Variants in DDRGK1 observed in about 807,000 individuals in gnomAD.
DDRGK1 encodes DDRGK domain-containing protein 1.
Under a neutral mutation model 45.8 loss-of-function variants are expected in DDRGK1, and 38 were observed. The ratio of observed to expected loss-of-function variants is 0.83; its 90% CI spans 0.64 to 1.09. The LOEUF is 1.09. DDRGK1 is among the 50% of genes least tolerant of loss of function. The pLI is 0.00. For missense variants in DDRGK1, 403 were observed against 419.9 expected, an observed-to-expected ratio of 0.96 and a Z score of 0.35; for synonymous variants, 171 against 168.7, an observed-to-expected ratio of 1.01 and a Z score of -0.11.
chr20:3,198,530 G>A (rs1352028757), intron 4 of DDRGK1, among the ~76,000 whole-genome samples: 13 of 149,558 alleles, frequency 8.7e-5, no homozygotes, highest in Non-Finnish European at 1.6e-4. Context: ...GAGAAACCCC[G>A]TCTCTACTAA....
chr20:3,204,504 T>G, intron 1 of DDRGK1, 33 bp downstream of exon 1: 7 of 1,537,962 alleles, frequency 4.6e-6, no homozygotes, highest in Non-Finnish European at 6.1e-6. Context: ...GAAAACCCGG[T>G]ACCACCAACC....
intron 4 of DDRGK1, among the ~76,000 whole-genome samples, chr20:3,196,256 T>C (rs1018417439): frequency 3.3e-5 from 5 of 152,206 alleles, no homozygotes; most frequent in African/African-American, 1.2e-4. Flanking sequence ...TGAGGTCCTA[T>C]TGACCCCTTC....
At position 3,194,845 on chromosome 20, in the gene DDRGK1, G is replaced by T. The variant is rs1045378877; in HGVS notation, c.657C>A (p.Phe219Leu). Reference protein sequence around the residue: ...EEQSQSFLTEFINYIKQSKVV... With the variant: ...EEQSQSFLTELINYIKQSKVV... ...GGCTTCTTACCTTGATGTAGTTGAT[G>T]AACTCTGTCAGGAAGCTCTGGGACT... Residue 219 changes from phenylalanine to leucine, a missense_variant, in exon 6 of 9, where the codon TTC (phenylalanine) becomes TTA (leucine). Physicochemically the swap from Phe to Leu is conservative, Grantham distance 22. Coordinates refer to ENST00000354488, the MANE Select transcript of DDRGK1 (RefSeq NM_023935.3). 3.0e-5 allele frequency: 48 copies of T among 1,614,002 alleles called. No homozygotes were observed. Among genetic ancestry groups the T allele is most frequent in the Non-Finnish European group, 3.7e-5 (44 of 1,180,012 alleles).
At chr20:3,195,387 G>GGGCAGAACA (rs1568499785) in intron 4 of DDRGK1, 34 bp from the exon 5 acceptor site, 1 of 1,556,542 alleles carries the variant, frequency 6.4e-7, no homozygotes, top group South Asian at 1.2e-5. Flanking sequence ...CAGGTATCGG[G>GGGCAGAACA]GGCAGAACAG....
chr20:3,196,442 C>G (rs1439921113), intron 4 of DDRGK1, among the ~76,000 whole-genome samples: 1 of 151,964 alleles, frequency 6.6e-6, no homozygotes, highest in Non-Finnish European at 1.5e-5. Flanking sequence ...CTTTGGGAGG[C>G]CAAGGCGGGC....
Position 3,203,398 on chromosome 20 carries a change from T to G in DDRGK1, c.110A>C (p.His37Pro). The G allele has an allele frequency of 6.3e-7, 1 of 1,585,142 alleles. No individual in the cohort carries two copies. The highest frequency in any genetic ancestry group is 8.6e-7 in the Non-Finnish European group (1 of 1,165,338). ...GCCTGCTCCTGCCAGCTCCTCATTG[T>G]GCAGTGGCTCTTGGCCGGCTGTAGG... ...RAASAGQEPLHNEELAGAGRV... is the reference protein window; with the variant it reads ...RAASAGQEPLPNEELAGAGRV... Residue 37 changes from histidine (H) to proline (P), a missense_variant, in exon 2 of 9, where the codon CAC becomes CCC. Transcript: ENST00000354488.
rs1380849120 is a variant in DDRGK1, at chr20:3,201,390, C to T, written c.296-936G>A. Among the ~76,000 whole-genome samples the T allele has an allele frequency of 2.8e-5, 4 of 144,246 alleles. No homozygotes were observed. In the Admixed American group the frequency reaches 2.9e-4, roughly 10 times the overall value. 94.6% of individuals were successfully genotyped at this position (144,246 alleles called of 152,430 possible). ...AGGAGAATGGCATGAACCCAGCAGG[C>T]AGAGCTTGCCGAGATCTGCTGCCAA... On this transcript the variant is annotated intron_variant, in intron 2 of 8. Coordinates refer to ENST00000354488, the MANE Select transcript of DDRGK1 (RefSeq NM_023935.3).
At chr20:3,194,020 C>A (rs190426562) in intron 6 of DDRGK1, among the ~76,000 whole-genome samples, 37 of 152,250 alleles carry the variant, frequency 2.4e-4, no homozygotes, top group African/African-American at 8.9e-4. Flanking sequence ...CAGACAGGAC[C>A]CTCTCAAAGC....
chr20:3,195,781 A>G (rs2067007574), intron 4 of DDRGK1, among the ~76,000 whole-genome samples: 2 of 152,004 alleles, frequency 1.3e-5, no homozygotes, highest in Non-Finnish European at 2.9e-5. Flanking sequence ...AGCCCACTCC[A>G]GTCTGGCTTC....
Position 3,200,358 on chromosome 20 carries a change from C to T in DDRGK1, c.392G>A (p.Arg131Gln), listed in dbSNP as rs1274454788. 8.3e-6 allele frequency: 13 copies of T among 1,568,606 alleles called. No individual in the cohort carries two copies. The highest frequency in any genetic ancestry group is 2.7e-5 in the African/African-American group (2 of 73,876). ...CCGGCTTGCCTCACGCTGGGCCTTT[C>T]GCGCTTGTTTCTCCTCCAGCTTCCG... ...KLRKLEEKQA[R>Q]KAQREAEEAE... Residue 131 changes from arginine to glutamine, a missense_variant, in exon 3 of 9, where the codon CGA becomes CAA. Coordinates refer to ENST00000354488, the MANE Select transcript of DDRGK1 (RefSeq NM_023935.3).
chr20:3,200,288 G>A, intron 3 of DDRGK1, 54 bp downstream of exon 3: 1 of 1,526,888 alleles, frequency 6.5e-7, no homozygotes. Context: ...AGGGAAAAAG[G>A]AAGGCAGTGC....
intron 2 of DDRGK1, among the ~76,000 whole-genome samples, chr20:3,200,773 T>G (rs1395213492): frequency 6.6e-6 from 1 of 151,316 alleles, no homozygotes; most frequent in East Asian, 1.9e-4. Context: ...GTCAGGAGAT[T>G]GAGACCATCC....
At position 3,203,457 on chromosome 20, in the gene DDRGK1, A is replaced by AGCCCG; in HGVS notation, c.92-46_92-42dup. The AGCCCG allele has an allele frequency of 2.0e-6, 3 of 1,474,144 alleles. No homozygotes were observed. The African/African-American group carries it at 4.3e-5, about 21-fold the overall frequency. The allele number at this position is 1,474,144 out of a possible 1,614,324, so 91.3% of individuals were successfully genotyped here. A position where few individuals can be genotyped will look rare whatever the true frequency, so the allele number is the denominator to read the frequency against. On this transcript the variant is annotated intron_variant, in intron 1 of 8. Transcript: ENST00000354488. The stretch of plus-strand genomic sequence containing the variant: ...AAATGACAATGCTGCCTATAAGCCC[A>AGCCCG]GCCCGGCCCATGGCAGGAGGAGCGG...
rs111721057 is a variant in DDRGK1 at position 3,195,186 on chromosome 20, C to A, written c.633+45G>T. 1.3e-5 allele frequency: 21 copies of A among 1,613,400 alleles called. No homozygotes were observed. The African/African-American group carries it at 1.5e-4, about 11-fold the overall frequency. On this transcript the variant is annotated intron_variant, in intron 5 of 8. Coordinates refer to ENST00000354488, the MANE Select transcript of DDRGK1 (RefSeq NM_023935.3). ...CTAGCCTTGCGTCTGGCACAGGCTG[C>A]ACTGATGGGTGCAGAGAGGGGCTTC... is the stretch of plus-strand genomic sequence containing the variant.
At chr20:3,191,881 G>A in intron 6 of DDRGK1, 60 bp from the exon 7 acceptor site, 2 of 1,535,114 alleles carry the variant, frequency 1.3e-6, no homozygotes, top group South Asian at 1.2e-5. Context: ...CTCTAAGCAT[G>A]GGCACCCTCC....
At chr20:3,193,883 G>A (rs1358051351) in intron 6 of DDRGK1, among the ~76,000 whole-genome samples, 1 of 152,146 alleles carries the variant, frequency 6.6e-6, no homozygotes, top group African/African-American at 2.4e-5. Flanking sequence ...TGCCTACTGG[G>A]TAGGTGGGGA....
chr20:3,192,907 C>G (rs2066995366), intron 6 of DDRGK1, among the ~76,000 whole-genome samples: 1 of 152,156 alleles, frequency 6.6e-6, no homozygotes, highest in African/African-American at 2.4e-5. Context: ...GCAGCTGGGT[C>G]AGGATGGGCA....
chr20:3,200,423 C>A lies in DDRGK1; in HGVS notation c.327G>T (p.Ala109=). The part of the protein sequence containing the change: ...AQEEEGVEKP[A]ETHLSGKIGA... The stretch of plus-strand genomic sequence containing the variant: ...CAATTTTCCCCGACAGGTGAGTTTC[C>A]GCTGGCTTCTCGACACCTTCCTCCT... Residue 109 remains alanine, a synonymous_variant, in exon 3 of 9, where the codon GCG becomes GCT. Transcript: ENST00000354488. 1 of 1,582,436 alleles carries A rather than the reference C, an allele frequency of 6.3e-7. No homozygotes were observed. Among genetic ancestry groups the A allele is most frequent in the Non-Finnish European group, 8.6e-7 (1 of 1,163,756 alleles).
chr20:3,198,347 T>A (rs2067020708), intron 4 of DDRGK1, among the ~76,000 whole-genome samples: 1 of 139,956 alleles, frequency 7.1e-6, no homozygotes. Flanking sequence ...GAGGTTGCAG[T>A]GAGCCGAGAT....
Sources: allele counts gnomAD v4.1 joint callset (sites outside exome capture counted in the v4.1 genomes callset), GRCh38; gene constraint gnomAD v4.1.1; transcripts MANE v1.5; gene names NCBI Gene and HGNC (gene_info 2026-07-23, HGNC 2026-07-21).